Variants in PIEZO2 observed in about 807,000 individuals in gnomAD.
PIEZO2 encodes the protein piezo-type mechanosensitive ion channel component 2.
Under a neutral mutation model 337.3 loss-of-function variants are expected in PIEZO2, and 172 were observed. The ratio of observed to expected loss-of-function variants is 0.51; its 90% CI spans 0.45 to 0.58. PIEZO2 has a LOEUF of 0.58. PIEZO2 is among the 20% of genes least tolerant of loss of function. The pLI is 0.00. For synonymous variants in PIEZO2, 1,251 were observed against 1,228.5 expected, an observed-to-expected ratio of 1.02 and a Z score of -0.38; for missense variants, 3,028 against 3,391.3, an observed-to-expected ratio of 0.89 and a Z score of 2.66.
chr18:10,904,084 AAATAT>A (rs2043115686), intron 4 of PIEZO2, among the ~76,000 whole-genome samples: 1 of 152,254 alleles, frequency 6.6e-6, no homozygotes, highest in Non-Finnish European at 1.5e-5. Flanking sequence ...TGTAAACATA[AAATAT>A]AATAGTCAGT....
intron 2 of PIEZO2, among the ~76,000 whole-genome samples, chr18:10,983,587 T>C (rs2034752321): frequency 6.6e-6 from 1 of 151,968 alleles, no homozygotes; most frequent in African/African-American, 2.4e-5. Context: ...ACAACTGGTG[T>C]CCAATTCTCT....
intron 2 of PIEZO2, among the ~76,000 whole-genome samples, chr18:11,025,745 C>A (rs2036518160): frequency 6.6e-6 from 1 of 152,142 alleles, no homozygotes; most frequent in South Asian, 2.1e-4. Flanking sequence ...TTACTCAGAG[C>A]CCATGGTGAC....
intron 1 of PIEZO2, among the ~76,000 whole-genome samples, chr18:11,098,902 A>C (rs767259673): frequency 2.6e-5 from 4 of 151,902 alleles, no homozygotes; most frequent in Non-Finnish European, 5.9e-5. Context: ...GGCTCAAGCG[A>C]TCCTCCCACC....
chr18:10,743,513 T>A (rs2037305710), intron 31 of PIEZO2, among the ~76,000 whole-genome samples: 1 of 152,132 alleles, frequency 6.6e-6, no homozygotes, highest in African/African-American at 2.4e-5. Flanking sequence ...CCTTGGCCCA[T>A]CCAGAATGGG....
At chr18:10,823,252 G>C (rs1049336351) in intron 7 of PIEZO2, among the ~76,000 whole-genome samples, 2 of 152,028 alleles carry the variant, frequency 1.3e-5, no homozygotes, top group Non-Finnish European at 1.5e-5. Flanking sequence ...TAATTAATTT[G>C]AGCTTTCAGA....
In PIEZO2 at chr18:10,773,478, C is replaced by G; in HGVS notation, c.2719G>C (p.Asp907His). 1 of 1,537,476 alleles carries G rather than the reference C, an allele frequency of 6.5e-7. No individual in the cohort carries two copies. The highest frequency in any genetic ancestry group is 8.7e-7 in the Non-Finnish European group (1 of 1,146,972). Residue 907 changes from aspartate to histidine, a missense_variant, in exon 20 of 56, where the codon GAC becomes CAC. By Grantham distance (81) the Asp-to-His change is moderately conservative. Coordinates refer to ENST00000674853, the MANE Select transcript of PIEZO2 (RefSeq NM_001378183.1). This position sits in a 1 kb window ranked among gnomAD's most constrained non-coding sequence, Gnocchi z 5.3. ...EKAQKGDLGK[D>H]SEESEEDGEE... The stretch of plus-strand genomic sequence containing the variant: ...CCGTCCTCCTCTGACTCCTCGCTGT[C>G]TTTCCCAAGATCACCCTTCTGGGCT...
In PIEZO2 at chr18:10,731,502, A is replaced by T. The variant is rs2036786360; in HGVS notation, c.4934T>A (p.Ile1645Asn). 1 of 1,529,026 alleles carries T rather than the reference A, an allele frequency of 6.5e-7. No individual in the cohort carries two copies. The highest frequency in any genetic ancestry group is 8.7e-7 in the Non-Finnish European group (1 of 1,143,044). 94.7% of individuals were successfully genotyped at this position (1,529,026 alleles called of 1,614,324 possible). ...TCGGAGTGCTGTTTTAGGATCAGTA[A>T]TCCAGGCTTGATAAACAAACTGAAG... ...RAAKFVYQAW[I>N]TDPKTALRQR... The change falls in exon 36 of 56, where the codon ATT (isoleucine) becomes AAT (asparagine). Residue 1645 changes from isoleucine (I) to asparagine (N), a missense_variant. Ile to Asn is a moderately radical substitution (Grantham distance 149). Transcript: ENST00000674853.
intron 13 of PIEZO2, among the ~76,000 whole-genome samples, chr18:10,791,804 C>A (rs2039419805): frequency 6.6e-6 from 1 of 152,158 alleles, no homozygotes; most frequent in African/African-American, 2.4e-5. Context: ...TATTATTAAT[C>A]TTTTAAAGCT....
rs2036588033 is a variant in PIEZO2 at position 11,027,817 on chromosome 18, G to T, written c.160+38310C>A. Among the ~76,000 whole-genome samples the T allele has an allele frequency of 7.1e-6, 1 of 141,282 alleles. No individual in the cohort carries two copies. Among genetic ancestry groups the T allele is most frequent in the South Asian group, 2.2e-4 (1 of 4,564 alleles). 92.7% of individuals were successfully genotyped at this position (141,282 alleles called of 152,430 possible). ...GTTTCAGTTCAATACTGAAATTTCAGCTTATGACTTGGTAAGTGGTTTTTC... is the reference window on the plus strand; with the variant it reads ...GTTTCAGTTCAATACTGAAATTTCATCTTATGACTTGGTAAGTGGTTTTTC... On this transcript the variant is annotated intron_variant, in intron 2 of 55. Transcript: ENST00000674853. The surrounding 1 kb of genome is among the most constrained non-coding windows in gnomAD (Gnocchi z 4.2).
rs555220903 is a variant in PIEZO2, at chr18:10,718,168, C to T, written c.5089+32G>A. 6.0e-4 allele frequency: 910 copies of T among 1,516,458 alleles called. 4 individuals carry two copies. In the African/African-American group the frequency reaches 0.012, roughly 20 times the overall value. 93.9% of individuals were successfully genotyped at this position (1,516,458 alleles called of 1,614,324 possible). On this transcript the variant is annotated intron_variant, in intron 37 of 55. Coordinates refer to ENST00000674853, the MANE Select transcript of PIEZO2 (RefSeq NM_001378183.1). Reference sequence around the variant, plus strand: ...CTGGGCAGGTATCATTTTCAAAGTTCCCACAGCTCATATTTGTCTTTATTT... The same window carrying T: ...CTGGGCAGGTATCATTTTCAAAGTTTCCACAGCTCATATTTGTCTTTATTT...
intron 3 of PIEZO2, among the ~76,000 whole-genome samples, chr18:10,922,124 C>T (rs1036465118): frequency 1.3e-5 from 2 of 152,016 alleles, no homozygotes; most frequent in Non-Finnish European, 2.9e-5. Context: ...ATGTCTGTGA[C>T]CCACACCTGT....
At position 10,675,241 on chromosome 18, in the gene PIEZO2, G is replaced by C. The variant is rs1415207758; in HGVS notation, c.8129C>G (p.Ser2710Cys). 2 of 1,551,912 alleles carry C rather than the reference G, an allele frequency of 1.3e-6. No homozygotes were observed. The highest frequency in any genetic ancestry group is 2.4e-5 in the South Asian group (2 of 82,162). Reference protein sequence around the residue: ...YPYYVKAPSDSNSKPIKQLLS... With the variant: ...YPYYVKAPSDCNSKPIKQLLS... ...AAGTTGCTTTATAGGTTTTGAGTTA[G>C]AATCACTAGGTGCTTTCACATAATA... is the stretch of plus-strand genomic sequence containing the variant. Residue 2710 changes from serine to cysteine, a missense_variant, in exon 54 of 56, where the codon TCT becomes TGT. Coordinates refer to ENST00000674853, the MANE Select transcript of PIEZO2 (RefSeq NM_001378183.1).
rs2040379945 is a variant in PIEZO2, at chr18:11,132,882, T to A, written c.64+15643A>T. Among the ~76,000 whole-genome samples the A allele has an allele frequency of 6.6e-6, 1 of 152,088 alleles. No individual in the cohort carries two copies. Among genetic ancestry groups the A allele is most frequent in the South Asian group, 2.1e-4 (1 of 4,824 alleles). ...CGTCTCTTAGTATTACCATGCTCTG[T>A]GATTAAGGTCAATGGGAAACTACAA... On this transcript the variant is annotated intron_variant, in intron 1 of 55. Coordinates refer to ENST00000674853, the MANE Select transcript of PIEZO2 (RefSeq NM_001378183.1). This position sits in a 1 kb window ranked among gnomAD's most constrained non-coding sequence, Gnocchi z 4.7.
At chr18:10,737,360 A>G (rs960575932) in intron 33 of PIEZO2, among the ~76,000 whole-genome samples, 1 of 152,066 alleles carries the variant, frequency 6.6e-6, no homozygotes, top group Non-Finnish European at 1.5e-5. Context: ...AAACAACACA[A>G]CACAACAACA....
chr18:11,096,856 G>C lies in PIEZO2; in HGVS notation c.65-30634C>G, dbSNP rs773732632. On this transcript the variant is annotated intron_variant, in intron 1 of 55. Coordinates refer to ENST00000674853, the MANE Select transcript of PIEZO2 (RefSeq NM_001378183.1). This position sits in a 1 kb window ranked among gnomAD's most constrained non-coding sequence, Gnocchi z 4.6. Reference sequence around the variant, plus strand: ...AAAATGGGAACAACATGGACTTCAGGGGGGTGGTACCACAGTGGCAGAGAA... The same window carrying C: ...AAAATGGGAACAACATGGACTTCAGCGGGGTGGTACCACAGTGGCAGAGAA... Among the ~76,000 whole-genome samples the C allele has an allele frequency of 6.6e-6, 1 of 152,134 alleles. No individual in the cohort carries two copies. Among genetic ancestry groups the C allele is most frequent in the African/African-American group, 2.4e-5 (1 of 41,412 alleles).
intron 11 of PIEZO2, among the ~76,000 whole-genome samples, chr18:10,799,694 C>T (rs193256016): frequency 2.0e-5 from 3 of 152,114 alleles, no homozygotes; most frequent in Admixed American, 6.6e-5. Flanking sequence ...AACACTCAGC[C>T]GGGTGCGGTG....
At position 11,110,674 on chromosome 18, in the gene PIEZO2, C is replaced by A. The variant is rs2039703131; in HGVS notation, c.64+37851G>T. Among the ~76,000 whole-genome samples, 1 of 152,224 alleles carries A rather than the reference C, an allele frequency of 6.6e-6. No individual in the cohort carries two copies. The highest frequency in any genetic ancestry group is 2.1e-4 in the South Asian group (1 of 4,832). ...CAAGTCAGTGGCCTCTGATGCGATG[C>A]CTCGTCATCCTTTCCGCCCCTCCCC... On this transcript the variant is annotated intron_variant, in intron 1 of 55. Transcript: ENST00000674853. The surrounding 1 kb of genome is among the most constrained non-coding windows in gnomAD (Gnocchi z 4.2).
At chr18:10,994,400 CT>C (rs71169965) in intron 2 of PIEZO2, among the ~76,000 whole-genome samples, 63,868 of 143,208 alleles carry the variant, frequency 0.45, 13,715 homozygotes, top group Non-Finnish European at 0.49. Context: ...TTTGTTCTTT[CT>C]TTTTTTTTTT....
chr18:11,023,017 C>T (rs1396559020), intron 2 of PIEZO2, among the ~76,000 whole-genome samples: 1 of 152,056 alleles, frequency 6.6e-6, no homozygotes, highest in Non-Finnish European at 1.5e-5. Flanking sequence ...TTCATTCCTC[C>T]CAGTGGGTTC....
Sources: allele counts gnomAD v4.1 joint callset (sites outside exome capture counted in the v4.1 genomes callset), GRCh38; gene constraint gnomAD v4.1.1; non-coding constraint Gnocchi (gnomAD v3.1); transcripts MANE v1.5; gene names NCBI Gene and HGNC (gene_info 2026-07-23, HGNC 2026-07-21).